SH3BGRL2: variants seen among roughly 807,000 people sequenced by gnomAD.
SH3BGRL2 encodes the protein SH3 domain binding glutamate rich protein like 2.
A neutral mutation model predicts 14.8 loss-of-function variants in SH3BGRL2; 21 were observed. That is an observed-to-expected ratio of 1.42 (90% CI 1.01 to 2.05). The LOEUF is 2.05. Among genes scored for constraint, SH3BGRL2 ranks in the 30% most tolerant of loss-of-function variants. The pLI is 0.00. For synonymous variants in SH3BGRL2, 50 were observed against 47.8 expected (o/e 1.05, Z -0.19); for missense variants, 147 against 130.8 (o/e 1.12, Z -0.61).
chr6:79,655,053 G>A (rs1009429123), intron 1 of SH3BGRL2, among the ~76,000 whole-genome samples: 1 of 152,090 alleles, frequency 6.6e-6, no homozygotes, highest in African/African-American at 2.4e-5. Flanking sequence ...ACCTAACCTG[G>A]GTGTTTTTTT....
At chr6:79,591,628 G>A in the SH3BGRL2 span, among the ~76,000 whole-genome samples, 6 of 152,200 alleles carry the variant, frequency 3.9e-5, no homozygotes, top group South Asian at 2.1e-4. Context: ...GGATGGTCTC[G>A]ATCTCCTGAC....
At chr6:79,569,441 G>A in the SH3BGRL2 span, among the ~76,000 whole-genome samples, 1 of 152,200 alleles carries the variant, frequency 6.6e-6, no homozygotes, top group East Asian at 1.9e-4. Context: ...ATTCTCCCAA[G>A]AGACAGCTTT....
intron 1 of SH3BGRL2, among the ~76,000 whole-genome samples, chr6:79,660,068 A>G (rs955153559): frequency 6.6e-6 from 1 of 152,218 alleles, no homozygotes; most frequent in Non-Finnish European, 1.5e-5. Flanking sequence ...CTAAATATAC[A>G]ATCATGCCGT....
At chr6:79,692,014 C>T (rs1358757828) in intron 2 of SH3BGRL2, among the ~76,000 whole-genome samples, 2 of 152,088 alleles carry the variant, frequency 1.3e-5, no homozygotes, top group African/African-American at 4.8e-5. Flanking sequence ...CTCTCCAGCA[C>T]CTGTTGTTTC....
the SH3BGRL2 span, among the ~76,000 whole-genome samples, chr6:79,611,159 C>A: frequency 2.2e-4 from 34 of 152,250 alleles, no homozygotes; most frequent in East Asian, 6.4e-3. Flanking sequence ...ACTCTGAACT[C>A]CTCCACAAAA....
At chr6:79,626,205 G>C in the SH3BGRL2 span, among the ~76,000 whole-genome samples, 1 of 152,076 alleles carries the variant, frequency 6.6e-6, no homozygotes, top group South Asian at 2.1e-4. Context: ...ATTGCTTGAG[G>C]CCAGGAGTTC....
chr6:79,601,102 T>C, the SH3BGRL2 span, among the ~76,000 whole-genome samples: 1 of 152,230 alleles, frequency 6.6e-6, no homozygotes, highest in Non-Finnish European at 1.5e-5. Flanking sequence ...TTACCTAAAG[T>C]GATTAAAACC....
At chr6:79,626,196 T>G in the SH3BGRL2 span, among the ~76,000 whole-genome samples, 8 of 152,260 alleles carry the variant, frequency 5.3e-5, no homozygotes, top group Admixed American at 1.3e-4. Flanking sequence ...GGCAGGAGGA[T>G]TGCTTGAGGC....
chr6:79,551,224 G>A, the SH3BGRL2 span, among the ~76,000 whole-genome samples: 2 of 152,088 alleles, frequency 1.3e-5, no homozygotes, highest in Admixed American at 6.5e-5. Context: ...CTGCAAGGAC[G>A]TTCTAAACAA....
chr6:79,597,872 GTGTA>G, the SH3BGRL2 span, among the ~76,000 whole-genome samples: 1 of 152,166 alleles, frequency 6.6e-6, no homozygotes, highest in African/African-American at 2.4e-5. Context: ...CTGATGAGAC[GTGTA>G]TGTAAGACAT....
At chr6:79,629,426 T>C (rs1269653459), upstream of SH3BGRL2, among the ~76,000 whole-genome samples, 3 of 150,534 alleles carry the variant, frequency 2.0e-5, no homozygotes, top group Admixed American at 1.3e-4. Context: ...CCCTGCTGTA[T>C]GTACAGGGCT....
intron 1 of SH3BGRL2, among the ~76,000 whole-genome samples, chr6:79,655,810 G>A (rs1769398900): frequency 1.3e-5 from 2 of 152,160 alleles, no homozygotes; most frequent in African/African-American, 4.8e-5. Context: ...GATATGAAAT[G>A]CAGATTCTTG....
At chr6:79,586,235 C>CTTTTTTTTTT in the SH3BGRL2 span, among the ~76,000 whole-genome samples, 3 of 54,964 alleles carry the variant, frequency 5.5e-5, no homozygotes, top group South Asian at 8.9e-4. Context: ...GTATGGACTT[C>CTTTTTTTTTT]TTTTTTTTTT....
chr6:79,538,018 GTTTTTTTTTTTTTT>G, the SH3BGRL2 span, among the ~76,000 whole-genome samples: 273 of 44,156 alleles, frequency 6.2e-3, 4 homozygotes, highest in Non-Finnish European at 9.1e-3. Flanking sequence ...TTGCACACAA[GTTTTTTTTTTTTTT>G]TTTTTTTTTT....
the SH3BGRL2 span, among the ~76,000 whole-genome samples, chr6:79,596,185 A>G: frequency 2.6e-5 from 4 of 152,304 alleles, no homozygotes; most frequent in South Asian, 6.2e-4. Flanking sequence ...GGTGGCCAAG[A>G]TCTTGCTCTG....
At chr6:79,596,484 A>G in the SH3BGRL2 span, among the ~76,000 whole-genome samples, 2 of 151,620 alleles carry the variant, frequency 1.3e-5, no homozygotes, top group African/African-American at 4.8e-5. Context: ...TTGTAGAGAT[A>G]GGTTCTCACT....
At chr6:79,650,507 C>T (rs570680101) in intron 1 of SH3BGRL2, among the ~76,000 whole-genome samples, 4 of 152,250 alleles carry the variant, frequency 2.6e-5, no homozygotes, top group African/African-American at 9.6e-5. Context: ...GTACAAGAAA[C>T]ATGGCACCAG....
At chr6:79,698,720 T>C (rs553898516) in intron 3 of SH3BGRL2, among the ~76,000 whole-genome samples, 1 of 151,912 alleles carries the variant, frequency 6.6e-6, no homozygotes, top group East Asian at 2.0e-4. Context: ...AGTATGTAAA[T>C]ATTAGATGGT....
chr6:79,633,013 C>T (rs1373805704), intron 1 of SH3BGRL2, among the ~76,000 whole-genome samples: 1 of 152,180 alleles, frequency 6.6e-6, no homozygotes, highest in East Asian at 1.9e-4. Context: ...TGGAGCAAGT[C>T]GGACCAAGTC....
Sources: gnomAD v4.1 joint callset for allele counts (sites outside exome capture counted in the v4.1 genomes callset) on GRCh38, gnomAD v4.1.1 for gene constraint, MANE v1.5 for transcripts, NCBI Gene and HGNC (gene_info 2026-07-23, HGNC 2026-07-21) for gene names.